EPHA6: variants seen among roughly 807,000 people sequenced by gnomAD.
The protein encoded by EPHA6 is ephrin type-A receptor 6.
A neutral mutation model predicts 112.0 loss-of-function variants in EPHA6; 50 were observed. The observed-to-expected ratio is 0.45, with a 90% CI of 0.36 to 0.56. EPHA6 has a LOEUF of 0.56. Among genes scored for constraint, EPHA6 ranks in the 20% least tolerant of loss-of-function variants. EPHA6 has a pLI of 0.00. For missense variants in EPHA6, 1,280 were observed against 1,417.4 expected (o/e 0.90, Z 1.56); for synonymous variants, 529 against 490.7 (o/e 1.08, Z -1.03).
intron 3 of EPHA6, among the ~76,000 whole-genome samples, chr3:97,121,756 T>C (rs1354700837): frequency 6.6e-6 from 1 of 152,064 alleles, no homozygotes; most frequent in Admixed American, 6.6e-5. Flanking sequence ...GAATAAATGA[T>C]AAAGGATGAC....
intron 10 of EPHA6, among the ~76,000 whole-genome samples, chr3:97,489,142 A>G (rs571939732): frequency 1.3e-5 from 2 of 152,364 alleles, no homozygotes; most frequent in South Asian, 4.1e-4. Context: ...TGACTATTAG[A>G]TTAAAAAATA....
Position 97,180,216 on chromosome 3 carries a change from C to A in EPHA6, c.1115-46048C>A, listed in dbSNP as rs568395449. On this transcript the variant is annotated intron_variant, in intron 3 of 17. Coordinates refer to ENST00000389672, the MANE Select transcript of EPHA6 (RefSeq NM_001080448.3). Reference sequence around the variant, plus strand: ...GTACCACCAGACTACCACCAATGTTCCCTTAAGGCCAAGGTCTCTTGCTTG... The same window carrying A: ...GTACCACCAGACTACCACCAATGTTACCTTAAGGCCAAGGTCTCTTGCTTG... Among the ~76,000 whole-genome samples the A allele has an allele frequency of 2.0e-5, 3 of 152,190 alleles. No homozygotes were observed. In the East Asian group the frequency reaches 5.8e-4, roughly 30 times the overall value.
chr3:97,112,636 A>G (rs1390186159), intron 3 of EPHA6, among the ~76,000 whole-genome samples: 1 of 148,360 alleles, frequency 6.7e-6, no homozygotes, highest in Non-Finnish European at 1.5e-5. Flanking sequence ...ATGATACACT[A>G]TGAGTGGTTT....
chr3:97,576,919 T>C (rs2093392282), intron 11 of EPHA6, among the ~76,000 whole-genome samples: 3 of 152,018 alleles, frequency 2.0e-5, no homozygotes. Flanking sequence ...AATGGTGAGG[T>C]TGTGATAGCA....
At chr3:97,440,494 A>G (rs923590585) in intron 6 of EPHA6, among the ~76,000 whole-genome samples, 4 of 151,666 alleles carry the variant, frequency 2.6e-5, no homozygotes, top group Admixed American at 2.0e-4. Context: ...AAAAATTTCA[A>G]CAAATTTCCT....
chr3:97,237,568 A>G (rs1434493168), intron 4 of EPHA6, among the ~76,000 whole-genome samples: 5 of 152,016 alleles, frequency 3.3e-5, no homozygotes, highest in African/African-American at 1.2e-4. Context: ...TGTCCCACTC[A>G]ATATCATCTG....
At chr3:97,718,601 T>G (rs1014979268) in intron 14 of EPHA6, among the ~76,000 whole-genome samples, 2 of 152,198 alleles carry the variant, frequency 1.3e-5, no homozygotes, top group African/African-American at 2.4e-5. Flanking sequence ...TTATTTTATC[T>G]GGCTACCCTA....
chr3:97,103,022 A>G (rs1368161804), intron 3 of EPHA6, among the ~76,000 whole-genome samples: 1 of 152,090 alleles, frequency 6.6e-6, no homozygotes, highest in East Asian at 1.9e-4. Context: ...TAGATGCTAG[A>G]TATTACATCT....
chr3:97,746,949 G>A (rs1038204894), intron 16 of EPHA6, among the ~76,000 whole-genome samples: 13 of 151,884 alleles, frequency 8.6e-5, no homozygotes, highest in African/African-American at 3.1e-4. Flanking sequence ...AGAAGGAGAA[G>A]AACTATCACA....
At chr3:97,286,943 G>C (rs2080485525) in intron 5 of EPHA6, among the ~76,000 whole-genome samples, 1 of 150,866 alleles carries the variant, frequency 6.6e-6, no homozygotes. Context: ...TTTCCTTGTA[G>C]AGGTCTTTCA....
At chr3:97,651,903 A>T (rs750042276) in intron 14 of EPHA6, among the ~76,000 whole-genome samples, 6 of 151,892 alleles carry the variant, frequency 4.0e-5, no homozygotes, top group Non-Finnish European at 8.8e-5. Flanking sequence ...TGCATGGGTA[A>T]ATTGTGTGTC....
chr3:97,600,802 C>T (rs571199805), intron 12 of EPHA6, among the ~76,000 whole-genome samples: 9 of 150,082 alleles, frequency 6.0e-5, no homozygotes, highest in African/African-American at 2.2e-4. Flanking sequence ...ACTAGCAGTG[C>T]ATTAAAAAAA....
At chr3:96,826,545 T>C (rs1179938144) in intron 1 of EPHA6, among the ~76,000 whole-genome samples, 1 of 152,094 alleles carries the variant, frequency 6.6e-6, no homozygotes, top group Non-Finnish European at 1.5e-5. Flanking sequence ...CAACTTCTGG[T>C]TTAAAATATG....
intron 5 of EPHA6, among the ~76,000 whole-genome samples, chr3:97,325,481 C>A (rs2082375254): frequency 6.6e-6 from 1 of 152,052 alleles, no homozygotes. Flanking sequence ...CTCATTTTAA[C>A]TCAATCACTT....
chr3:97,025,740 C>T (rs2044615443), intron 3 of EPHA6, among the ~76,000 whole-genome samples: 1 of 152,028 alleles, frequency 6.6e-6, no homozygotes, highest in African/African-American at 2.4e-5. Flanking sequence ...AGGTGCACAC[C>T]ACCACACCCA....
intron 10 of EPHA6, among the ~76,000 whole-genome samples, chr3:97,496,570 A>G (rs147740748): frequency 2.6e-5 from 4 of 152,274 alleles, no homozygotes; most frequent in African/African-American, 9.6e-5. Context: ...TTATGAAGCC[A>G]TACTTCTATA....
At chr3:96,976,336 G>C (rs1051967946) in intron 2 of EPHA6, among the ~76,000 whole-genome samples, 1 of 152,124 alleles carries the variant, frequency 6.6e-6, no homozygotes, top group African/African-American at 2.4e-5. Context: ...TCCAGTTCAT[G>C]AGTGTTGCTG....
chr3:97,307,867 A>G (rs1390664326), intron 5 of EPHA6, among the ~76,000 whole-genome samples: 2 of 151,762 alleles, frequency 1.3e-5, no homozygotes, highest in African/African-American at 4.8e-5. Context: ...CTCTCTACCA[A>G]GTTTCAAACT....
chr3:97,616,045 C>T (rs1018978236), intron 13 of EPHA6, among the ~76,000 whole-genome samples: 8 of 152,104 alleles, frequency 5.3e-5, no homozygotes, highest in Non-Finnish European at 1.0e-4. Flanking sequence ...CAAGCAGGGT[C>T]TCCAGCCGCC....
Sources: allele counts gnomAD v4.1 joint callset (sites outside exome capture counted in the v4.1 genomes callset), GRCh38; gene constraint gnomAD v4.1.1; transcripts MANE v1.5; gene names NCBI Gene and HGNC (gene_info 2026-07-23, HGNC 2026-07-21).